The following ALK variants were observed in gnomAD, a reference collection of about 807,000 sequenced individuals.
ALK encodes ALK tyrosine kinase receptor.
A neutral mutation model predicts 163.1 loss-of-function variants in ALK; 74 were observed. The ratio of observed to expected loss-of-function variants is 0.45; its 90% CI spans 0.38 to 0.55. ALK has a LOEUF of 0.55. ALK is among the 20% of genes least tolerant of loss of function. The probability of loss-of-function intolerance (pLI) is 0.00; values close to 1 mark genes in which losing one functional copy is unlikely to be tolerated. For missense variants in ALK, 2,063 were observed against 2,105.3 expected (o/e 0.98, Z 0.39); for synonymous variants, 960 against 843.2 (o/e 1.14, Z -2.40).
chr2:29,197,764 C>T, intron 26 of ALK, 88 bp from the exon 27 acceptor site: 1 of 1,201,958 alleles, frequency 8.3e-7, no homozygotes, highest in African/African-American at 1.5e-5. Context: ...CATACAATTT[C>T]AACCTTTTTT....
chr2:29,412,388 G>A (rs1352283042), intron 4 of ALK, among the ~76,000 whole-genome samples: 1 of 152,120 alleles, frequency 6.6e-6, no homozygotes, highest in Non-Finnish European at 1.5e-5. Flanking sequence ...GAAAGCCCTG[G>A]GGTTTTCACT....
intron 4 of ALK, among the ~76,000 whole-genome samples, chr2:29,403,683 C>G (rs1302849425): frequency 7.7e-6 from 1 of 130,592 alleles, no homozygotes; most frequent in Non-Finnish European, 1.6e-5. Flanking sequence ...TGAGACCACC[C>G]CAGGCAACAG....
chr2:29,233,551 A>G lies in ALK; in HGVS notation c.2487+14T>C. 1 of 1,614,200 alleles carries G rather than the reference A, an allele frequency of 6.2e-7. No individual in the cohort carries two copies. Among genetic ancestry groups the G allele is most frequent in the Non-Finnish European group, 8.5e-7 (1 of 1,180,044 alleles). ...CACAGGAACCTGGTGGAAATCTGGC[A>G]GCACACACCATACCTTAAATACGTA... is the stretch of plus-strand genomic sequence containing the variant. On this transcript the variant is annotated intron_variant, in intron 14 of 28. Transcript: ENST00000389048.
chr2:29,895,840 AGATACTG>A (rs2148427726), intron 1 of ALK, among the ~76,000 whole-genome samples: 1 of 152,236 alleles, frequency 6.6e-6, no homozygotes, highest in South Asian at 2.1e-4. Context: ...CACAGGAGTG[AGATACTG>A]GCTGTCCAGT....
chr2:29,435,687 A>G (rs140294628), intron 4 of ALK, among the ~76,000 whole-genome samples: 8 of 152,236 alleles, frequency 5.3e-5, no homozygotes, highest in Non-Finnish European at 1.2e-4. Flanking sequence ...CACCAAAAGC[A>G]ACACAAGCTT....
chr2:29,757,236 G>A (rs1014599357), intron 1 of ALK, among the ~76,000 whole-genome samples: 7 of 152,168 alleles, frequency 4.6e-5, no homozygotes, highest in Admixed American at 6.5e-5. Context: ...AAAGCCAGAC[G>A]GGCATCTTGG....
At chr2:29,839,974 G>A (rs1665657720) in intron 1 of ALK, among the ~76,000 whole-genome samples, 1 of 152,186 alleles carries the variant, frequency 6.6e-6, no homozygotes, top group Admixed American at 6.5e-5. Flanking sequence ...ACAATTCATA[G>A]AGGAGGAAAC....
At chr2:29,349,703 C>T (rs562430375) in intron 5 of ALK, among the ~76,000 whole-genome samples, 131 of 152,310 alleles carry the variant, frequency 8.6e-4, no homozygotes, top group African/African-American at 2.8e-3. Context: ...GCAGAGTGGA[C>T]AGGTGACAGC....
chr2:29,839,733 A>G (rs1209321070), intron 1 of ALK, among the ~76,000 whole-genome samples: 1 of 152,084 alleles, frequency 6.6e-6, no homozygotes, highest in African/African-American at 2.4e-5. Context: ...TAAATGGTCC[A>G]GGGTCATTCC....
intron 9 of ALK, among the ~76,000 whole-genome samples, chr2:29,296,502 AG>A (rs1397796874): frequency 1.3e-5 from 2 of 152,242 alleles, no homozygotes; most frequent in African/African-American, 4.8e-5. Context: ...ATAAAATAAA[AG>A]TGGGGAAAGT....
At chr2:29,629,139 A>T (rs576337825) in intron 3 of ALK, among the ~76,000 whole-genome samples, 1 of 152,174 alleles carries the variant, frequency 6.6e-6, no homozygotes. Context: ...AGACCTGAAC[A>T]CCGTTGGAGA....
chr2:29,533,322 G>A (rs1258038845), intron 3 of ALK, among the ~76,000 whole-genome samples: 1 of 152,200 alleles, frequency 6.6e-6, no homozygotes, highest in African/African-American at 2.4e-5. Context: ...CAGAGGAAAA[G>A]AAAAGGGATT....
chr2:29,748,864 G>T (rs557742234), intron 1 of ALK, among the ~76,000 whole-genome samples: 2 of 152,134 alleles, frequency 1.3e-5, no homozygotes, highest in Admixed American at 1.3e-4. Context: ...TCGTGCCTCA[G>T]CCTCCCAAGT....
At chr2:29,830,254 G>T (rs1173237642) in intron 1 of ALK, among the ~76,000 whole-genome samples, 1 of 152,156 alleles carries the variant, frequency 6.6e-6, no homozygotes, top group African/African-American at 2.4e-5. Flanking sequence ...CCTTCCAATT[G>T]AATTAATCAT....
In ALK at chr2:29,583,498, A is replaced by G. The variant is rs139878543; in HGVS notation, c.953-51382T>C. Among the ~76,000 whole-genome samples, 6 of 141,984 alleles carry G rather than the reference A, an allele frequency of 4.2e-5. No individual in the cohort carries two copies. In the East Asian group the frequency reaches 1.2e-3, roughly 27 times the overall value. 93.1% of individuals were successfully genotyped at this position (141,984 alleles called of 152,430 possible). A position where few individuals can be genotyped will look rare whatever the true frequency, so the allele number is the denominator to read the frequency against. On this transcript the variant is annotated intron_variant, in intron 3 of 28. Coordinates refer to ENST00000389048, the MANE Select transcript of ALK (RefSeq NM_004304.5). ...TAAGTCAAAGCAAAACCCTTCACAA[A>G]GAACACAATAGATGCATCCTCATTC...
chr2:29,637,982 TG>T (rs1169560114), intron 3 of ALK, among the ~76,000 whole-genome samples: 1 of 151,046 alleles, frequency 6.6e-6, no homozygotes, highest in African/African-American at 2.4e-5. Context: ...GAAATAAACT[TG>T]AAAAAAAAAT....
intron 7 of ALK, among the ~76,000 whole-genome samples, chr2:29,318,659 C>G (rs1020138816): frequency 6.6e-6 from 1 of 151,872 alleles, no homozygotes; most frequent in Non-Finnish European, 1.5e-5. Flanking sequence ...CTCCGCCTCC[C>G]GGGTTCATGC....
In ALK at chr2:29,920,854, A is replaced by G; in HGVS notation, c.-195T>C. The stretch of plus-strand genomic sequence containing the variant: ...AGGCGAGCAGGAGTCTAAATGAAAC[A>G]GACCTGGAAGCTCAGGGGCGAGTCC... On this transcript the variant is annotated 5_prime_UTR_variant, in exon 1 of 29. Transcript: ENST00000389048. The G allele has an allele frequency of 3.3e-6, 2 of 602,088 alleles. No individual in the cohort carries two copies. The highest frequency in any genetic ancestry group is 2.9e-6 in the Non-Finnish European group (1 of 341,174). 37.3% of individuals were successfully genotyped at this position (602,088 alleles called of 1,614,324 possible). A position where few individuals can be genotyped will look rare whatever the true frequency, so the allele number is the denominator to read the frequency against.
At chr2:29,916,208 C>G in intron 1 of ALK, among the ~76,000 whole-genome samples, 1 of 152,196 alleles carries the variant, frequency 6.6e-6, no homozygotes, top group Admixed American at 6.5e-5. Flanking sequence ...AGAGGAATAT[C>G]AATGTCAGAA....
Sources: allele counts gnomAD v4.1 joint callset (sites outside exome capture counted in the v4.1 genomes callset), GRCh38; gene constraint gnomAD v4.1.1; transcripts MANE v1.5; gene names NCBI Gene and HGNC (gene_info 2026-07-23, HGNC 2026-07-21).